Variants in SPC24 observed in about 807,000 individuals in gnomAD.
SPC24 encodes kinetochore protein Spc24.
A neutral mutation model predicts 27.6 loss-of-function variants in SPC24; 31 were observed. That is an observed-to-expected ratio of 1.12 (90% CI 0.84 to 1.52). The LOEUF is 1.52. Among genes scored for constraint, SPC24 ranks in the 40% most tolerant of loss-of-function variants. The pLI is 0.00. For missense variants in SPC24, 284 were observed against 252.5 expected (o/e 1.12, Z -0.84); for synonymous variants, 105 against 105.8 (o/e 0.99, Z 0.05).
At chr19:11,148,896 G>A (rs2077849599) in intron 2 of SPC24, among the ~76,000 whole-genome samples, 198 bp downstream of exon 2, 2 of 152,032 alleles carry the variant, frequency 1.3e-5, no homozygotes, top group East Asian at 1.9e-4. Context: ...GATTACAGGC[G>A]TGAGCCACTG....
Position 11,148,895 on chromosome 19 carries a change from C to T in SPC24, c.305+199G>A, listed in dbSNP as rs553556107. The stretch of plus-strand genomic sequence containing the variant: ...CCTCCCAAAGTGCTAGGATTACAGG[C>T]GTGAGCCACTGCACCTGACCTAATT... On this transcript the variant is annotated intron_variant, in intron 2 of 4. Transcript: ENST00000592540. 5.3e-3 allele frequency among the ~76,000 whole-genome samples: 802 copies of T among 152,094 alleles called. 3 individuals are homozygous for T. The highest frequency in any genetic ancestry group is 0.01 in the Middle Eastern group (3 of 292).
At chr19:11,153,367 T>A (rs1468543029) in intron 1 of SPC24, among the ~76,000 whole-genome samples, 2 of 151,060 alleles carry the variant, frequency 1.3e-5, no homozygotes, top group African/African-American at 2.4e-5. Flanking sequence ...CAGAATGGTG[T>A]GAACCCGGGA....
chr19:11,153,376 G>A (rs551676793), intron 1 of SPC24, among the ~76,000 whole-genome samples: 1 of 151,946 alleles, frequency 6.6e-6, no homozygotes, highest in Non-Finnish European at 1.5e-5. Context: ...GTGAACCCGG[G>A]AGACGGAGCT....
At position 11,149,307 on chromosome 19, in the gene SPC24, T is replaced by C. The variant is rs892105637; in HGVS notation, c.161-69A>G. 3.0e-6 allele frequency: 4 copies of C among 1,346,560 alleles called. No homozygotes were observed. In the Admixed American group the frequency reaches 1.3e-4, roughly 45 times the overall value. 83.4% of individuals were successfully genotyped at this position (1,346,560 alleles called of 1,614,324 possible). A position where few individuals can be genotyped will look rare whatever the true frequency, so the allele number is the denominator to read the frequency against. ...CCAAGGAGAGCAGAGAGAAGGTGGT[T>C]CCACTTGCCTCCACTGGCAAGAAAC... is the stretch of plus-strand genomic sequence containing the variant. On this transcript the variant is annotated intron_variant, in intron 1 of 4. Transcript: ENST00000592540.
At chr19:11,152,651 C>G (rs1026377411) in intron 1 of SPC24, among the ~76,000 whole-genome samples, 1 of 152,138 alleles carries the variant, frequency 6.6e-6, no homozygotes, top group Non-Finnish European at 1.5e-5. Flanking sequence ...AGCCTAGGAT[C>G]CCTGGATCCT....
Position 11,149,085 on chromosome 19 carries a change from A to C in SPC24, c.305+9T>G. 1 of 1,495,946 alleles carries C rather than the reference A, an allele frequency of 6.7e-7. No homozygotes were observed. Among genetic ancestry groups the C allele is most frequent in the Non-Finnish European group, 8.9e-7 (1 of 1,121,578 alleles). 92.7% of individuals were successfully genotyped at this position (1,495,946 alleles called of 1,614,324 possible). A position where few individuals can be genotyped will look rare whatever the true frequency, so the allele number is the denominator to read the frequency against. On this transcript the variant is annotated intron_variant, in intron 2 of 4. Coordinates refer to ENST00000592540, the MANE Select transcript of SPC24 (RefSeq NM_182513.4). ...CTAGCAAGGCTGATCCCCTAGCAGA[A>C]AAGGATATAGGAGGCTGGCCTTCAG...
intron 1 of SPC24, among the ~76,000 whole-genome samples, chr19:11,149,518 G>A (rs1298725562): frequency 6.6e-6 from 1 of 152,054 alleles, no homozygotes; most frequent in African/African-American, 2.4e-5. Context: ...GGGAGCCTGA[G>A]GCGGGAGGAT....
In SPC24 at chr19:11,148,055, T is replaced by C; in HGVS notation, c.368A>G (p.Lys123Arg). ...GACTGTCGTGTCCTCGTCGACCTCCTTCTCCTGTCGCTCCAGATCCGCCTC... is the reference window on the plus strand; with the variant it reads ...GACTGTCGTGTCCTCGTCGACCTCCCTCTCCTGTCGCTCCAGATCCGCCTC... ...EIEADLERQE[K>R]EVDEDTTVTI... Residue 123 changes from lysine (K) to arginine (R), a missense_variant, in exon 3 of 5, where the codon AAG (lysine) becomes AGG (arginine). Transcript: ENST00000592540. The C allele has an allele frequency of 6.2e-7, 1 of 1,613,858 alleles. No homozygotes were observed. Among genetic ancestry groups the C allele is most frequent in the Non-Finnish European group, 8.5e-7 (1 of 1,179,866 alleles).
At chr19:11,151,492 G>C (rs185477099) in intron 1 of SPC24, among the ~76,000 whole-genome samples, 3 of 152,068 alleles carry the variant, frequency 2.0e-5, no homozygotes, top group African/African-American at 4.8e-5. Context: ...CTGTCTGTCC[G>C]CCCTCCCGAA....
intron 4 of SPC24, 29 bp downstream of exon 4, chr19:11,147,789 G>C (rs765338870): frequency 1.3e-6 from 2 of 1,591,824 alleles, no homozygotes; most frequent in Admixed American, 3.4e-5. Flanking sequence ...CAGTGCACAA[G>C]GGTTAAAATG....
intron 2 of SPC24, 58 bp from the exon 3 acceptor site, chr19:11,148,175 G>C (rs755695182): frequency 7.7e-6 from 9 of 1,172,370 alleles, no homozygotes; most frequent in Non-Finnish European, 1.0e-5. Context: ...TGCGCTAACT[G>C]CAGCTGGGAG....
At chr19:11,147,771 C>G in intron 4 of SPC24, 47 bp downstream of exon 4, 1 of 1,528,330 alleles carries the variant, frequency 6.5e-7, no homozygotes, top group Non-Finnish European at 9.0e-7. Context: ...ATTTTATGTC[C>G]CTACCTACAG....
At chr19:11,147,338 AC>A in intron 4 of SPC24, 49 bp from the exon 5 acceptor site, 1 of 1,296,880 alleles carries the variant, frequency 7.7e-7, no homozygotes, top group Non-Finnish European at 1.1e-6. Flanking sequence ...CCCTCACACA[AC>A]CCCACGGGGA....
intron 1 of SPC24, among the ~76,000 whole-genome samples, chr19:11,154,811 A>C (rs60798353): frequency 0.035 from 5,280 of 152,058 alleles, 314 homozygotes; most frequent in African/African-American, 0.12. Context: ...AAAGATGAGA[A>C]AGTTCTGGAG....
intron 1 of SPC24, among the ~76,000 whole-genome samples, chr19:11,150,185 C>CAAAAA (rs770061574): frequency 5.9e-4 from 19 of 32,246 alleles, no homozygotes; most frequent in East Asian, 2.8e-3. Context: ...AACTCCATCT[C>CAAAAA]AAAAAAAAAA....
Position 11,149,194 on chromosome 19 carries a change from C to A in SPC24, c.205G>T (p.Ala69Ser). The change falls in exon 2 of 5, where the codon GCG (alanine) becomes TCG (serine). Residue 69 changes from alanine (A) to serine (S), a missense_variant. Ala to Ser is a moderately conservative substitution (Grantham distance 99). Coordinates refer to ENST00000592540, the MANE Select transcript of SPC24 (RefSeq NM_182513.4). Reference sequence around the variant, plus strand: ...CCTCCCTGGTGCACCTGCTCCTTCGCATTGAGAAGGCTCTGGGCCACTTCC... The same window carrying A: ...CCTCCCTGGTGCACCTGCTCCTTCGAATTGAGAAGGCTCTGGGCCACTTCC... ...EKEVAQSLLN[A>S]KEQVHQGGVE... 1 of 1,550,866 alleles carries A rather than the reference C, an allele frequency of 6.4e-7. No individual in the cohort carries two copies. The highest frequency in any genetic ancestry group is 8.7e-7 in the Non-Finnish European group (1 of 1,146,796).
At chr19:11,149,325 C>T (rs2077852942) in intron 1 of SPC24, 87 bp from the exon 2 acceptor site, 2 of 1,263,998 alleles carry the variant, frequency 1.6e-6, no homozygotes, top group Admixed American at 3.4e-5. Flanking sequence ...CCTCCACTGG[C>T]AAGAAACATG....
At chr19:11,147,992 A>G (rs1270476258) in intron 3 of SPC24, 21 bp downstream of exon 3, 1 of 1,610,284 alleles carries the variant, frequency 6.2e-7, no homozygotes, top group Admixed American at 1.7e-5. Context: ...ACAGGCAGGC[A>G]CACGTTTTGG....
In SPC24 at chr19:11,149,146, C is replaced by T. The variant is rs750381055; in HGVS notation, c.253G>A (p.Ala85Thr). Reference protein sequence around the residue: ...QGGVELQQLEAGLQEAGEEDT... With the variant: ...QGGVELQQLETGLQEAGEEDT... The stretch of plus-strand genomic sequence containing the variant: ...TCCTCCCCAGCCTCCTGAAGCCCAG[C>T]TTCCAGCTGCTGCAGCTCCACGCCT... Residue 85 changes from alanine (A) to threonine (T), a missense_variant, in exon 2 of 5, where the codon GCT becomes ACT. Transcript: ENST00000592540. The T allele has an allele frequency of 3.7e-5, 58 of 1,549,654 alleles. No homozygotes were observed. Among genetic ancestry groups the T allele is most frequent in the Non-Finnish European group, 4.7e-5 (54 of 1,146,832 alleles).
Sources: gnomAD v4.1 joint callset for allele counts (sites outside exome capture counted in the v4.1 genomes callset) on GRCh38, gnomAD v4.1.1 for gene constraint, MANE v1.5 for transcripts, NCBI Gene and HGNC (gene_info 2026-07-23, HGNC 2026-07-21) for gene names.